The following BRIP1 variants were observed in gnomAD, a reference collection of about 807,000 sequenced individuals.
BRIP1 encodes Fanconi anemia group J protein.
A neutral mutation model predicts 119.7 loss-of-function variants in BRIP1; 88 were observed. The ratio of observed to expected loss-of-function variants is 0.74; its 90% CI spans 0.62 to 0.88. The LOEUF (loss-of-function observed/expected upper bound fraction) is 0.88, where lower values mean the gene tolerates loss of function less well. Ranked by LOEUF, BRIP1 falls within the 40% of genes least tolerant of loss-of-function variation. The probability of loss-of-function intolerance (pLI) is 0.00; values close to 1 mark genes in which losing one functional copy is unlikely to be tolerated. For missense variants in BRIP1, 1,259 were observed against 1,455.4 expected, an observed-to-expected ratio of 0.87 and a Z score of 2.20; for synonymous variants, 443 against 496.5, an observed-to-expected ratio of 0.89 and a Z score of 1.43.
chr17:61,808,074 ACTAT>A lies in BRIP1; in HGVS notation c.918+389_918+392del, dbSNP rs2078100022. Among the ~76,000 whole-genome samples, 1 of 152,152 alleles carries A rather than the reference ACTAT, an allele frequency of 6.6e-6. No homozygotes were observed. The highest frequency in any genetic ancestry group is 2.4e-5 in the African/African-American group (1 of 41,448). ...AACTTTGCCCAGACAGCCTAAATAA[ACTAT>A]CTGCTTTTGAAGTTTTTAAGTATAT... On this transcript the variant is annotated intron_variant, in intron 7 of 19. Coordinates refer to ENST00000259008, the MANE Select transcript of BRIP1 (RefSeq NM_032043.3). The surrounding 1 kb of genome is among the most constrained non-coding windows in gnomAD (Gnocchi z 4.1).
rs2077898111 is a variant in BRIP1 at position 61,796,274 on chromosome 17, C to A, written c.1341-2545G>T. ...TTTAACTTGATGTGATCCCATCTGTCCATTTTTGCTTTGGTTACCTGTGCT... is the reference window on the plus strand; with the variant it reads ...TTTAACTTGATGTGATCCCATCTGTACATTTTTGCTTTGGTTACCTGTGCT... On this transcript the variant is annotated intron_variant, in intron 9 of 19. Transcript: ENST00000259008. The surrounding 1 kb of genome is among the most constrained non-coding windows in gnomAD (Gnocchi z 4.8). 6.6e-6 allele frequency among the ~76,000 whole-genome samples: 1 copy of A among 151,992 alleles called. No homozygotes were observed. The highest frequency in any genetic ancestry group is 2.1e-4 in the South Asian group (1 of 4,822).
chr17:61,804,954 C>CTGTGTGTGTGTGTGTG lies in BRIP1; in HGVS notation c.919-3496_919-3481dup. On this transcript the variant is annotated intron_variant, in intron 7 of 19. Coordinates refer to ENST00000259008, the MANE Select transcript of BRIP1 (RefSeq NM_032043.3). This position sits in a 1 kb window ranked among gnomAD's most constrained non-coding sequence, Gnocchi z 4.5. ...GGCAGGATGAAATGTCTCTCTCTTT[C>CTGTGTGTGTGTGTGTG]TGTGTGTGTGTGTGTGTGTGTGTGT... Among the ~76,000 whole-genome samples the CTGTGTGTGTGTGTGTG allele has an allele frequency of 7.2e-6, 1 of 139,222 alleles. No homozygotes were observed. Among genetic ancestry groups the CTGTGTGTGTGTGTGTG allele is most frequent in the Non-Finnish European group, 1.5e-5 (1 of 64,892 alleles). 91.3% of individuals were successfully genotyped at this position (139,222 alleles called of 152,430 possible). A position where few individuals can be genotyped will look rare whatever the true frequency, so the allele number is the denominator to read the frequency against.
rs1384125576 is a variant in BRIP1, at chr17:61,776,879, G to A, written c.1936-317C>T. ...TTTTGTTAGGTGAATAAATGAACAA[G>A]TGAAATGATGAATATATACCAATAG... is the stretch of plus-strand genomic sequence containing the variant. On this transcript the variant is annotated intron_variant, in intron 13 of 19. Coordinates refer to ENST00000259008, the MANE Select transcript of BRIP1 (RefSeq NM_032043.3). The surrounding 1 kb of genome is among the most constrained non-coding windows in gnomAD (Gnocchi z 5.0). Among the ~76,000 whole-genome samples, 1 of 152,218 alleles carries A rather than the reference G, an allele frequency of 6.6e-6. No homozygotes were observed. The highest frequency in any genetic ancestry group is 1.5e-5 in the Non-Finnish European group (1 of 68,038).
At chr17:61,733,668 CTAAGA>C (rs925686831) in intron 16 of BRIP1, among the ~76,000 whole-genome samples, 4 of 151,896 alleles carry the variant, frequency 2.6e-5, no homozygotes, top group Non-Finnish European at 5.9e-5. Context: ...ACATTGAGAG[CTAAGA>C]TAAGTTTCCT....
At position 61,705,213 on chromosome 17, in the gene BRIP1, T is replaced by C. The variant is rs1357711862; in HGVS notation, c.2492+10738A>G. Among the ~76,000 whole-genome samples the C allele has an allele frequency of 6.6e-6, 1 of 152,178 alleles. No homozygotes were observed. The highest frequency in any genetic ancestry group is 2.4e-5 in the African/African-American group (1 of 41,468). On this transcript the variant is annotated intron_variant, in intron 17 of 19. Transcript: ENST00000259008. The surrounding 1 kb of genome is among the most constrained non-coding windows in gnomAD (Gnocchi z 5.0). The stretch of plus-strand genomic sequence containing the variant: ...GGTATTTGGTTTTCTGTTTCTGTGT[T>C]AGTTTGCTTAGGATAATGGCCTCCA...
intron 6 of BRIP1, among the ~76,000 whole-genome samples, chr17:61,826,731 T>TAAAA (rs58466965): frequency 2.0e-4 from 15 of 75,316 alleles, no homozygotes; most frequent in Non-Finnish European, 2.0e-4. Flanking sequence ...TATTAAAAAG[T>TAAAA]AAAAAAAAAA....
Position 61,700,843 on chromosome 17 carries a change from CT to C in BRIP1, c.2493-7332del, listed in dbSNP as rs1227879850. On this transcript the variant is annotated intron_variant, in intron 17 of 19. Transcript: ENST00000259008. This position sits in a 1 kb window ranked among gnomAD's most constrained non-coding sequence, Gnocchi z 4.1. ...GAGATTATGCTAGTTGTTCTTCATT[CT>C]TTTTCTTTCTGTTCTTCAGAGTAAA... is the stretch of plus-strand genomic sequence containing the variant. Among the ~76,000 whole-genome samples, 1 of 152,072 alleles carries C rather than the reference CT, an allele frequency of 6.6e-6. No individual in the cohort carries two copies. Among genetic ancestry groups the C allele is most frequent in the East Asian group, 1.9e-4 (1 of 5,200 alleles).
chr17:61,828,381 G>A lies in BRIP1; in HGVS notation c.627+18720C>T, dbSNP rs142713458. Among the ~76,000 whole-genome samples the A allele has an allele frequency of 7.2e-5, 11 of 152,122 alleles. No individual in the cohort carries two copies. The highest frequency in any genetic ancestry group is 1.6e-4 in the Non-Finnish European group (11 of 68,004). Reference sequence around the variant, plus strand: ...AATTCATAGAGACGGAAAGGAGAACGGCATTTTTCCTGGGGCTGGACAATA... The same window carrying A: ...AATTCATAGAGACGGAAAGGAGAACAGCATTTTTCCTGGGGCTGGACAATA... On this transcript the variant is annotated intron_variant, in intron 6 of 19. Transcript: ENST00000259008. The surrounding 1 kb of genome is among the most constrained non-coding windows in gnomAD (Gnocchi z 4.1).
chr17:61,719,367 G>A (rs1048743057), intron 16 of BRIP1, among the ~76,000 whole-genome samples: 1 of 151,960 alleles, frequency 6.6e-6, no homozygotes. Context: ...ACTACCTTAA[G>A]TGAAATAAAT....
rs1260719799 is a variant in BRIP1, at chr17:61,803,225, C to T, written c.919-1751G>A. 1.3e-5 allele frequency among the ~76,000 whole-genome samples: 2 copies of T among 152,062 alleles called. No homozygotes were observed. Among genetic ancestry groups the T allele is most frequent in the African/African-American group, 4.8e-5 (2 of 41,400 alleles). ...TTCTTGTGCCTCAGCCACCAAGTAG[C>T]TGGAACCACAAGTGCATCACCACAT... On this transcript the variant is annotated intron_variant, in intron 7 of 19. Transcript: ENST00000259008. The surrounding 1 kb of genome is among the most constrained non-coding windows in gnomAD (Gnocchi z 4.3).
In BRIP1 at chr17:61,799,926, A is replaced by G. The variant is rs1473267160; in HGVS notation, c.1141-627T>C. Among the ~76,000 whole-genome samples, 1 of 152,118 alleles carries G rather than the reference A, an allele frequency of 6.6e-6. No individual in the cohort carries two copies. Among genetic ancestry groups the G allele is most frequent in the Admixed American group, 6.6e-5 (1 of 15,264 alleles). On this transcript the variant is annotated intron_variant, in intron 8 of 19. Transcript: ENST00000259008. This position sits in a 1 kb window ranked among gnomAD's most constrained non-coding sequence, Gnocchi z 5.1. ...ATCAAAGGACATCACCACTTTCACA[A>G]TGGGGGTAAGGCCCAGGATTGTCAG... is the stretch of plus-strand genomic sequence containing the variant.
chr17:61,772,858 T>C (rs911105584), intron 14 of BRIP1, among the ~76,000 whole-genome samples: 7 of 149,124 alleles, frequency 4.7e-5, no homozygotes, highest in African/African-American at 1.7e-4. Flanking sequence ...AATTTTGTTA[T>C]GCATGTTTCA....
Position 61,722,552 on chromosome 17 carries a change from C to T in BRIP1, c.2380-6489G>A, listed in dbSNP as rs572969776. Among the ~76,000 whole-genome samples, 3 of 152,312 alleles carry T rather than the reference C, an allele frequency of 2.0e-5. No individual in the cohort carries two copies. In the South Asian group the frequency reaches 6.2e-4, roughly 32 times the overall value. On this transcript the variant is annotated intron_variant, in intron 16 of 19. Coordinates refer to ENST00000259008, the MANE Select transcript of BRIP1 (RefSeq NM_032043.3). The surrounding 1 kb of genome is among the most constrained non-coding windows in gnomAD (Gnocchi z 4.6). ...CTCAAAAATGTAACTAAAGCAGCTTCTCTTCTTTAACAATATTTTCCTCAA... is the reference window on the plus strand; with the variant it reads ...CTCAAAAATGTAACTAAAGCAGCTTTTCTTCTTTAACAATATTTTCCTCAA...
rs1283153567 is a variant in BRIP1, at chr17:61,770,937, T to C, written c.2097+5464A>G. 6.6e-6 allele frequency among the ~76,000 whole-genome samples: 1 copy of C among 152,138 alleles called. No individual in the cohort carries two copies. Among genetic ancestry groups the C allele is most frequent in the Non-Finnish European group, 1.5e-5 (1 of 68,010 alleles). ...TTGTAAACACTACCTTAGCACTAAT[T>C]ACATTAAACGTAAATGGAGTAAACA... On this transcript the variant is annotated intron_variant, in intron 14 of 19. Coordinates refer to ENST00000259008, the MANE Select transcript of BRIP1 (RefSeq NM_032043.3). This position sits in a 1 kb window ranked among gnomAD's most constrained non-coding sequence, Gnocchi z 4.7.
rs2061818333 is a variant in BRIP1 at position 61,713,898 on chromosome 17, GA to G, written c.2492+2052del. Among the ~76,000 whole-genome samples the G allele has an allele frequency of 6.6e-6, 1 of 151,952 alleles. No homozygotes were observed. Among genetic ancestry groups the G allele is most frequent in the South Asian group, 2.1e-4 (1 of 4,808 alleles). Reference sequence around the variant, plus strand: ...ATTTCAAAAATAGAAAAAGCTTATAGAATAAGGATATAAAAATTATTTTTGT... The same window carrying G: ...ATTTCAAAAATAGAAAAAGCTTATAGATAAGGATATAAAAATTATTTTTGT... On this transcript the variant is annotated intron_variant, in intron 17 of 19. Transcript: ENST00000259008. This position sits in a 1 kb window ranked among gnomAD's most constrained non-coding sequence, Gnocchi z 4.9.
At chr17:61,840,503 G>A (rs62068842) in intron 6 of BRIP1, among the ~76,000 whole-genome samples, 54,585 of 151,884 alleles carry the variant, frequency 0.36, 10,152 homozygotes, top group Non-Finnish European at 0.39. Context: ...AAGGCCAGGT[G>A]CAGTAGCTCA....
intron 13 of BRIP1, among the ~76,000 whole-genome samples, chr17:61,779,563 T>C (rs1443726360): frequency 6.6e-6 from 1 of 152,186 alleles, no homozygotes; most frequent in African/African-American, 2.4e-5. Context: ...AAGGCTGCAG[T>C]GAGCCAAGAT....
Position 61,801,240 on chromosome 17 carries a change from C to A in BRIP1, c.1140+13G>T. The A allele has an allele frequency of 6.3e-7, 1 of 1,597,384 alleles. No individual in the cohort carries two copies. The highest frequency in any genetic ancestry group is 8.6e-7 in the Non-Finnish European group (1 of 1,164,908). On this transcript the variant is annotated intron_variant, in intron 8 of 19. Transcript: ENST00000259008. ...AGTAGGAAGAAGGTTCTCATTTTTACACATATACTCACACTTTCCCTTATT... is the reference window on the plus strand; with the variant it reads ...AGTAGGAAGAAGGTTCTCATTTTTAAACATATACTCACACTTTCCCTTATT...
chr17:61,695,051 T>C lies in BRIP1; in HGVS notation c.2493-1539A>G, dbSNP rs1382311278. ...AAGTCCAATTTATCTGCTTTTTCTTTGGTTGCTTGTGCTTCTGATAGCAGA... is the reference window on the plus strand; with the variant it reads ...AAGTCCAATTTATCTGCTTTTTCTTCGGTTGCTTGTGCTTCTGATAGCAGA... On this transcript the variant is annotated intron_variant, in intron 17 of 19. Transcript: ENST00000259008. This position sits in a 1 kb window ranked among gnomAD's most constrained non-coding sequence, Gnocchi z 4.3. Among the ~76,000 whole-genome samples the C allele has an allele frequency of 1.3e-5, 2 of 152,078 alleles. No individual in the cohort carries two copies. Among genetic ancestry groups the C allele is most frequent in the Admixed American group, 1.3e-4 (2 of 15,268 alleles).
Sources: gnomAD v4.1 joint callset for allele counts (sites outside exome capture counted in the v4.1 genomes callset) on GRCh38, gnomAD v4.1.1 for gene constraint, Gnocchi (gnomAD v3.1) non-coding constraint, MANE v1.5 for transcripts, NCBI Gene and HGNC (gene_info 2026-07-23, HGNC 2026-07-21) for gene names.